The following RELN variants were observed in gnomAD, a reference collection of about 807,000 sequenced individuals.
The protein encoded by RELN is reelin.
Under a neutral mutation model 427.6 loss-of-function variants are expected in RELN, and 108 were observed. That is an observed-to-expected ratio of 0.25 (90% CI 0.22 to 0.30). RELN has a LOEUF of 0.30. RELN is among the 10% of genes least tolerant of loss of function. The pLI, the probability that RELN is intolerant of heterozygous loss-of-function variation, is 1.00. For synonymous variants in RELN, 1,524 were observed against 1,513.4 expected, an observed-to-expected ratio of 1.01 and a Z score of -0.16; for missense variants, 3,715 against 4,302.8, an observed-to-expected ratio of 0.86 and a Z score of 3.82.
At chr7:103,809,945 A>G (rs1235763920) in intron 3 of RELN, among the ~76,000 whole-genome samples, 4 of 152,220 alleles carry the variant, frequency 2.6e-5, no homozygotes, top group Admixed American at 2.6e-4. Flanking sequence ...ATATTTTTTA[A>G]CCCACTAAAA....
At position 103,472,437 on chromosome 7, in the gene RELN, G is replaced by C; in HGVS notation, c.*375C>G. 1 of 281,302 alleles carries C rather than the reference G, an allele frequency of 3.6e-6. No homozygotes were observed. The highest frequency in any genetic ancestry group is 6.9e-6 in the Non-Finnish European group (1 of 145,264). 17.4% of individuals were successfully genotyped at this position (281,302 alleles called of 1,614,324 possible). A position where few individuals can be genotyped will look rare whatever the true frequency, so the allele number is the denominator to read the frequency against. On this transcript the variant is annotated 3_prime_UTR_variant, in exon 65 of 65. Transcript: ENST00000428762. ...AGCCGAAATACAGTCCACTTAAATA[G>C]CTTTGTGACCAAGAATGTTAAATAC...
At chr7:103,552,239 A>G (rs2117156037) in intron 40 of RELN, among the ~76,000 whole-genome samples, 1 of 152,312 alleles carries the variant, frequency 6.6e-6, no homozygotes, top group Non-Finnish European at 1.5e-5. Flanking sequence ...ATATAAATGC[A>G]CGCAATTCTT....
intron 1 of RELN, among the ~76,000 whole-genome samples, chr7:103,956,282 G>A (rs1468204513): frequency 6.6e-6 from 1 of 152,138 alleles, no homozygotes; most frequent in Non-Finnish European, 1.5e-5. Flanking sequence ...TAGAAAAGCT[G>A]TTACCTGAAA....
intron 12 of RELN, among the ~76,000 whole-genome samples, chr7:103,658,636 C>A (rs891749031): frequency 3.3e-5 from 5 of 152,008 alleles, no homozygotes; most frequent in Admixed American, 1.3e-4. Flanking sequence ...CATTTCTTTT[C>A]TTCTCTCTAC....
chr7:103,936,959 T>G (rs564336253), intron 1 of RELN, among the ~76,000 whole-genome samples: 26 of 152,330 alleles, frequency 1.7e-4, no homozygotes, highest in Non-Finnish European at 3.5e-4. Context: ...TCATTTGTTC[T>G]TTTAAAAAAA....
chr7:103,521,041 A>G (rs933561186), intron 48 of RELN, among the ~76,000 whole-genome samples: 6 of 131,108 alleles, frequency 4.6e-5, no homozygotes, highest in African/African-American at 8.7e-5. Context: ...CAGTGGCGCA[A>G]TCTCGGCTCA....
chr7:103,636,607 T>G, intron 17 of RELN, 139 bp from the exon 18 acceptor site: 1 of 711,282 alleles, frequency 1.4e-6, no homozygotes, highest in South Asian at 1.5e-5. Flanking sequence ...TGGAGACTAC[T>G]GAATCTAAAG....
Position 103,661,460 on chromosome 7 carries a change from A to T in RELN, c.1357T>A (p.Phe453Ile). 6.2e-7 allele frequency: 1 copy of T among 1,613,790 alleles called. No homozygotes were observed. The highest frequency in any genetic ancestry group is 8.5e-7 in the Non-Finnish European group (1 of 1,179,780). Reference sequence around the variant, plus strand: ...AATTTCCTCTCTCCATCTTTGAGGAAGACCATTGATAAGCCTGATTCTATC... The same window carrying T: ...AATTTCCTCTCTCCATCTTTGAGGATGACCATTGATAAGCCTGATTCTATC... ...GTIESGLSMVFLKDGERKLCT... is the reference protein window; with the variant it reads ...GTIESGLSMVILKDGERKLCT... The change falls in exon 12 of 65, where the codon TTC becomes ATC. Residue 453 changes from phenylalanine (F) to isoleucine (I), a missense_variant. Around this residue, in one of 4 missense-constraint regions of RELN, gnomAD observed 2,208 missense variants for 2,361.7 expected, o/e 0.93. Transcript: ENST00000428762.
At chr7:103,492,680 G>A (rs1043464577) in intron 57 of RELN, among the ~76,000 whole-genome samples, 2 of 152,152 alleles carry the variant, frequency 1.3e-5, no homozygotes, top group African/African-American at 2.4e-5. Flanking sequence ...TCTAAATTCA[G>A]AGAGAGAATA....
At position 103,482,878 on chromosome 7, in the gene RELN, G is replaced by A. The variant is rs750834800; in HGVS notation, c.10275C>T (p.Val3425=). 8.7e-6 allele frequency: 14 copies of A among 1,613,944 alleles called. No homozygotes were observed. The African/African-American group carries it at 9.3e-5, about 11-fold the overall frequency. The stretch of plus-strand genomic sequence containing the variant: ...GCCATGTAATAGATACTCACAGGAC[G>A]ACCTCCACATGGTCCAAAGCCCATT... ...HDQWALDHVE[V]VLVSTRKQNY... is the part of the protein sequence containing the mutation. The change falls in exon 63 of 65, where the codon GTC becomes GTT. Residue 3425 remains valine, a synonymous_variant. Transcript: ENST00000428762.
intron 16 of RELN, among the ~76,000 whole-genome samples, chr7:103,648,916 C>A (rs1832852542): frequency 6.6e-6 from 1 of 151,798 alleles, no homozygotes. Flanking sequence ...GAATGGGTAT[C>A]ATTAAAAAGT....
Position 103,569,685 on chromosome 7 carries a change from A to G in RELN, c.4588+2499T>C, listed in dbSNP as rs1032866482. ...AAGGTCTGCAGAGATGAGGGCCCCA[A>G]TTCCAAAGGACAAAGAAGGAGAGCC... is the stretch of plus-strand genomic sequence containing the variant. On this transcript the variant is annotated intron_variant, in intron 31 of 64. Transcript: ENST00000428762. This position sits in a 1 kb window ranked among gnomAD's most constrained non-coding sequence, Gnocchi z 4.0. Among the ~76,000 whole-genome samples, 2 of 152,214 alleles carry G rather than the reference A, an allele frequency of 1.3e-5. No homozygotes were observed. Among genetic ancestry groups the G allele is most frequent in the Admixed American group, 6.5e-5 (1 of 15,282 alleles).
intron 3 of RELN, among the ~76,000 whole-genome samples, chr7:103,807,509 C>T (rs139597039): frequency 9.7e-4 from 148 of 152,228 alleles, no homozygotes; most frequent in African/African-American, 3.4e-3. Flanking sequence ...AGGTTTGTCA[C>T]ATGGGTAAAT....
rs978273144 is a variant in RELN at position 103,537,390 on chromosome 7, C to T, written c.7180+1688G>A. ...CTAATCTTCGTGAAATACATCATGT[C>T]ACCCCTCTGCACTTGTACTCTCTTG... On this transcript the variant is annotated intron_variant, in intron 45 of 64. Transcript: ENST00000428762. 2.0e-5 allele frequency among the ~76,000 whole-genome samples: 3 copies of T among 152,194 alleles called. No individual in the cohort carries two copies. The East Asian group carries it at 5.8e-4, about 29-fold the overall frequency.
intron 11 of RELN, among the ~76,000 whole-genome samples, chr7:103,662,716 A>G (rs1833171898): frequency 6.6e-6 from 1 of 152,120 alleles, no homozygotes; most frequent in South Asian, 2.1e-4. Context: ...AGGGGAGAGT[A>G]AAAAATACAT....
intron 28 of RELN, among the ~76,000 whole-genome samples, chr7:103,580,900 ACTT>A (rs1270376121): frequency 1.3e-5 from 2 of 152,100 alleles, no homozygotes; most frequent in Non-Finnish European, 2.9e-5. Context: ...ATGTTCTCCA[ACTT>A]CATGGCACAT....
chr7:103,672,997 T>G (rs985654554), intron 11 of RELN, among the ~76,000 whole-genome samples: 1 of 152,138 alleles, frequency 6.6e-6, no homozygotes, highest in African/African-American at 2.4e-5. Context: ...CCTCTTTGAC[T>G]TTCTATTTCT....
intron 3 of RELN, among the ~76,000 whole-genome samples, chr7:103,829,619 A>G (rs1334201437): frequency 6.6e-6 from 1 of 151,950 alleles, no homozygotes; most frequent in African/African-American, 2.4e-5. Flanking sequence ...CAGTATAGCC[A>G]TCACTATATC....
At chr7:103,572,491 A>C (rs976335196) in intron 30 of RELN, among the ~76,000 whole-genome samples, 7 of 152,196 alleles carry the variant, frequency 4.6e-5, no homozygotes, top group African/African-American at 1.7e-4. Context: ...TAATGAGCTA[A>C]ACAAAAGGAA....
Sources: gnomAD v4.1 joint callset for allele counts (sites outside exome capture counted in the v4.1 genomes callset) on GRCh38, gnomAD v4.1.1 for gene constraint, gnomAD v4.1.1 regional missense constraint, Gnocchi (gnomAD v3.1) non-coding constraint, MANE v1.5 for transcripts, NCBI Gene and HGNC (gene_info 2026-07-23, HGNC 2026-07-21) for gene names.